Variants in C3orf52 observed in about 807,000 individuals in gnomAD.
The protein encoded by C3orf52 is chromosome 3 open reading frame 52.
C3orf52 carries 22 observed loss-of-function variants against 24.8 expected under a neutral mutation model. The observed-to-expected ratio is 0.89, with a 90% CI of 0.63 to 1.27. The LOEUF is 1.27. Ranked by LOEUF, C3orf52 falls within the 50% of genes most tolerant of loss-of-function variation. The pLI is 0.00. For missense variants in C3orf52, 265 were observed against 260.7 expected (o/e 1.02, Z -0.11); for synonymous variants, 93 against 100.2 (o/e 0.93, Z 0.43).
intron 4 of C3orf52, 66 bp downstream of exon 4, chr3:112,109,679 CGTCAT>C (rs1204599856): frequency 1.1e-6 from 1 of 939,982 alleles, no homozygotes; most frequent in Non-Finnish European, 1.7e-6. Context: ...CCCCACCCTT[CGTCAT>C]TTACCTAGCA....
At chr3:112,103,410 G>A (rs2073995595) in intron 3 of C3orf52, among the ~76,000 whole-genome samples, 1 of 152,156 alleles carries the variant, frequency 6.6e-6, no homozygotes, top group Admixed American at 6.5e-5. Context: ...TTACTGTAGT[G>A]CAAAGCCAGA....
In C3orf52 at chr3:112,112,289, T is replaced by A. The variant is rs1370942238; in HGVS notation, c.468-675T>A. ...GTTCTAGGAAGATGAAAATTCCCTT[T>A]CCTTAGGTCCCATTACTGAGAGTTA... On this transcript the variant is annotated intron_variant, in intron 4 of 5. Transcript: ENST00000264848. 4 of 152,308 alleles carry A rather than the reference T, an allele frequency of 2.6e-5. No homozygotes were observed. The East Asian group carries it at 7.7e-4, about 29-fold the overall frequency. The allele number at this position is 152,308 out of a possible 1,614,324, so 9.4% of individuals were successfully genotyped here.
chr3:112,090,287 C>CT (rs386397627), intron 1 of C3orf52, among the ~76,000 whole-genome samples: 6,779 of 108,780 alleles, frequency 0.062, 524 homozygotes, highest in African/African-American at 0.16. Flanking sequence ...GTTTCATGTG[C>CT]TTTTTTTTTT....
At chr3:112,089,038 T>G (rs746794978) in intron 1 of C3orf52, among the ~76,000 whole-genome samples, 6 of 152,232 alleles carry the variant, frequency 3.9e-5, no homozygotes, top group Non-Finnish European at 8.8e-5. Context: ...CTTTGCCTGC[T>G]GTCACTGTAA....
Position 112,116,838 on chromosome 3 carries a change from C to T in C3orf52, c.*192C>T. 6.5e-7 allele frequency: 1 copy of T among 1,537,704 alleles called. No homozygotes were observed. The highest frequency in any genetic ancestry group is 8.7e-7 in the Non-Finnish European group (1 of 1,146,916). On this transcript the variant is annotated 3_prime_UTR_variant, in exon 6 of 6. Transcript: ENST00000264848. ...AGCCCAGTAAAACAGCTCCCGAGCA[C>T]TGCTTCAGCTGGGTCCAGTCTTGAC...
chr3:112,106,584 A>T (rs75479017), intron 3 of C3orf52, among the ~76,000 whole-genome samples: 3,461 of 152,284 alleles, frequency 0.023, 55 homozygotes, highest in South Asian at 0.067. Context: ...TAAAAGATGT[A>T]CCCGGCGCCC....
At chr3:112,086,712 C>A (rs2073830703) in intron 1 of C3orf52, among the ~76,000 whole-genome samples, 167 bp downstream of exon 1, 1 of 152,144 alleles carries the variant, frequency 6.6e-6, no homozygotes, top group South Asian at 2.1e-4. Context: ...CACCGCGACA[C>A]CTTTCGGCCC....
chr3:112,126,239 A>G (rs184287810), intron 4 of C3orf52, among the ~76,000 whole-genome samples: 45 of 152,292 alleles, frequency 3.0e-4, no homozygotes, highest in African/African-American at 1.1e-3. Context: ...TCATTTACAC[A>G]TCTTGCAGGG....
chr3:112,089,940 C>T (rs2073862465), intron 1 of C3orf52, among the ~76,000 whole-genome samples: 1 of 152,136 alleles, frequency 6.6e-6, no homozygotes, highest in Admixed American at 6.5e-5. Context: ...AATTATTAAG[C>T]CATGTAAAAC....
chr3:112,131,892 A>G (rs568717224), downstream of C3orf52, among the ~76,000 whole-genome samples: 1 of 152,324 alleles, frequency 6.6e-6, no homozygotes, highest in African/African-American at 2.4e-5. Context: ...AAGAAGTCCA[A>G]ATAGCATAAG....
At chr3:112,125,151 C>T in intron 4 of C3orf52, 1 of 974,712 alleles carries the variant, frequency 1.0e-6, no homozygotes, top group Non-Finnish European at 1.7e-6. Flanking sequence ...TCTCAGAGGC[C>T]AACTTCTCCT....
intron 3 of C3orf52, among the ~76,000 whole-genome samples, chr3:112,103,732 C>T (rs1006513057): frequency 6.6e-6 from 1 of 152,118 alleles, no homozygotes; most frequent in East Asian, 1.9e-4. Context: ...AAGTGATGCT[C>T]AGGATGAGTT....
chr3:112,119,121 G>A (rs1289544624), downstream of C3orf52, among the ~76,000 whole-genome samples: 1 of 152,144 alleles, frequency 6.6e-6, no homozygotes, highest in Non-Finnish European at 1.5e-5. Flanking sequence ...GGTGGCTCAA[G>A]CCTGTAATCC....
Position 112,117,311 on chromosome 3 carries a change from TAGCC to T in C3orf52, c.*674_*677del, listed in dbSNP as rs1284607462. The T allele has an allele frequency of 1.1e-5, 3 of 277,592 alleles. No individual in the cohort carries two copies. The highest frequency in any genetic ancestry group is 2.2e-5 in the African/African-American group (1 of 46,200). 17.2% of individuals were successfully genotyped at this position (277,592 alleles called of 1,614,324 possible). On this transcript the variant is annotated 3_prime_UTR_variant, in exon 6 of 6. Coordinates refer to ENST00000264848, the MANE Select transcript of C3orf52 (RefSeq NM_024616.3). ...TTCCATGACCTGTACCTGAGTATCT[TAGCC>T]AGCCAGCCTTAGGAACACCACCAAG...
intron 4 of C3orf52, chr3:112,126,873 T>A (rs979258540): frequency 1.4e-5 from 11 of 774,736 alleles, no homozygotes; most frequent in African/African-American, 3.5e-5. Context: ...TAAAGCAAAA[T>A]GTGTAGATAT....
chr3:112,087,646 G>A (rs2073841893), intron 1 of C3orf52, among the ~76,000 whole-genome samples: 2 of 152,342 alleles, frequency 1.3e-5, no homozygotes, highest in East Asian at 3.9e-4. Context: ...ACTCTGGAGA[G>A]TAATTTGGAA....
intron 3 of C3orf52, among the ~76,000 whole-genome samples, chr3:112,108,548 T>C (rs1167667072): frequency 6.6e-6 from 1 of 152,154 alleles, no homozygotes; most frequent in Non-Finnish European, 1.5e-5. Flanking sequence ...TCAGCATAAG[T>C]TGTGATGGGG....
downstream of C3orf52, chr3:112,132,842 G>A: frequency 4.3e-6 from 2 of 464,960 alleles, no homozygotes; most frequent in Non-Finnish European, 3.6e-6. Flanking sequence ...ACCTTCCTTG[G>A]TAAAGTCTTT....
At chr3:112,123,336 G>A in intron 4 of C3orf52, 1 of 1,502,756 alleles carries the variant, frequency 6.7e-7, no homozygotes, top group Non-Finnish European at 8.8e-7. Flanking sequence ...GCTCTGCAGG[G>A]AAAGGGTTGT....
Sources: allele counts gnomAD v4.1 joint callset (sites outside exome capture counted in the v4.1 genomes callset), GRCh38; gene constraint gnomAD v4.1.1; transcripts MANE v1.5; gene names NCBI Gene and HGNC (gene_info 2026-07-23, HGNC 2026-07-21).